Variants in DCDC1 observed in about 807,000 individuals in gnomAD.
The protein encoded by DCDC1 is doublecortin domain-containing protein 1.
In DCDC1, 200 loss-of-function variants were observed where a neutral mutation model predicts 178.3. The ratio of observed to expected loss-of-function variants is 1.12; its 90% CI spans 1.00 to 1.26. The LOEUF is 1.26. Among genes scored for constraint, DCDC1 ranks in the 50% most tolerant of loss-of-function variants. The probability of loss-of-function intolerance (pLI) is 0.00; values close to 1 mark genes in which losing one functional copy is unlikely to be tolerated. For synonymous variants in DCDC1, 690 were observed against 604.8 expected, an observed-to-expected ratio of 1.14 and a Z score of -2.07; for missense variants, 1,983 against 1,749.2, an observed-to-expected ratio of 1.13 and a Z score of -2.38.
At position 31,290,869 on chromosome 11, in the gene DCDC1, T is replaced by A. The variant is rs765841446; in HGVS notation, c.755-17A>T. On this transcript the variant is annotated splice_polypyrimidine_tract_variant and intron_variant, in intron 6 of 38. Coordinates refer to ENST00000684477, the MANE Select transcript of DCDC1 (RefSeq NM_001387274.1). ...ACAGATGGTCTAGAAGATAATTTTT[T>A]AAGTCAAGTCAATATTTGGCTTCAA... is the stretch of plus-strand genomic sequence containing the variant. 13 of 1,599,830 alleles carry A rather than the reference T, an allele frequency of 8.1e-6. No homozygotes were observed. The highest frequency in any genetic ancestry group is 1.1e-5 in the Non-Finnish European group (13 of 1,174,920).
At chr11:30,929,667 T>C (rs1007395421) in intron 22 of DCDC1, among the ~76,000 whole-genome samples, 6 of 152,064 alleles carry the variant, frequency 3.9e-5, no homozygotes, top group Non-Finnish European at 7.4e-5. Context: ...ATTGAAATCA[T>C]CTAAAATATA....
intron 20 of DCDC1, among the ~76,000 whole-genome samples, chr11:31,057,144 G>A (rs894528583): frequency 2.6e-5 from 4 of 151,840 alleles, no homozygotes; most frequent in African/African-American, 9.7e-5. Flanking sequence ...TGAGGCACAA[G>A]AATCTCTTGA....
At chr11:31,206,355 T>G (rs2774404) in intron 9 of DCDC1, among the ~76,000 whole-genome samples, 13,943 of 152,198 alleles carry the variant, frequency 0.092, 1,757 homozygotes, top group African/African-American at 0.28. Flanking sequence ...TTACCCTGAA[T>G]CTATCCAACT....
chr11:31,161,971 T>C (rs892774580), intron 9 of DCDC1, among the ~76,000 whole-genome samples: 1 of 152,232 alleles, frequency 6.6e-6, no homozygotes, highest in Non-Finnish European at 1.5e-5. Flanking sequence ...AATGTTCAAC[T>C]ATATTGGAAA....
At chr11:31,117,907 T>C (rs1320807193) in intron 11 of DCDC1, among the ~76,000 whole-genome samples, 3 of 152,144 alleles carry the variant, frequency 2.0e-5, no homozygotes, top group Non-Finnish European at 4.4e-5. Flanking sequence ...CTAAATTAAC[T>C]TAATCCCTAA....
intron 13 of DCDC1, among the ~76,000 whole-genome samples, chr11:31,104,922 T>C (rs1261849694): frequency 1.3e-5 from 2 of 152,096 alleles, no homozygotes; most frequent in East Asian, 1.9e-4. Context: ...AAATAAAAAA[T>C]TGAAGGAAAA....
intron 20 of DCDC1, among the ~76,000 whole-genome samples, chr11:31,048,194 G>A (rs1451783930): frequency 6.6e-6 from 1 of 152,114 alleles, no homozygotes; most frequent in Non-Finnish European, 1.5e-5. Flanking sequence ...AGGAAGTTAT[G>A]CCATCTCTCC....
intron 20 of DCDC1, among the ~76,000 whole-genome samples, chr11:31,045,873 C>T (rs2135381260): frequency 6.6e-6 from 1 of 152,240 alleles, no homozygotes; most frequent in East Asian, 1.9e-4. Flanking sequence ...GGCAGTTACA[C>T]AGAGCAGTCC....
chr11:31,055,519 A>G (rs1373206590), intron 20 of DCDC1, among the ~76,000 whole-genome samples: 1 of 152,234 alleles, frequency 6.6e-6, no homozygotes, highest in East Asian at 1.9e-4. Context: ...CCAGAGGAAA[A>G]GAAGTCATTA....
intron 17 of DCDC1, among the ~76,000 whole-genome samples, chr11:31,082,062 C>G (rs1957208212): frequency 1.3e-5 from 2 of 152,066 alleles, no homozygotes; most frequent in African/African-American, 4.8e-5. Flanking sequence ...CTCTCCTCTT[C>G]TTGATCAAAA....
chr11:31,329,497 A>C (rs1466686641), intron 2 of DCDC1, among the ~76,000 whole-genome samples: 6 of 152,034 alleles, frequency 3.9e-5, no homozygotes, highest in Non-Finnish European at 4.4e-5. Context: ...TGCTGTACCC[A>C]TTAACTTGTC....
intron 21 of DCDC1, among the ~76,000 whole-genome samples, chr11:30,938,651 T>A (rs1255092488): frequency 1.3e-5 from 2 of 152,164 alleles, no homozygotes; most frequent in African/African-American, 4.8e-5. Flanking sequence ...ACATAGAGAA[T>A]TAAAGCTTGG....
intron 20 of DCDC1, among the ~76,000 whole-genome samples, chr11:31,042,176 T>C (rs1954504511): frequency 1.3e-5 from 2 of 152,344 alleles, no homozygotes; most frequent in South Asian, 4.1e-4. Context: ...TGAGATTCAA[T>C]ATTAGGATTC....
At chr11:31,136,148 T>C (rs1332161745) in intron 10 of DCDC1, among the ~76,000 whole-genome samples, 2 of 152,060 alleles carry the variant, frequency 1.3e-5, no homozygotes, top group Non-Finnish European at 2.9e-5. Context: ...CCAAGATACA[T>C]GGTAGATTCA....
intron 20 of DCDC1, among the ~76,000 whole-genome samples, chr11:31,051,618 G>A (rs1003779368): frequency 6.6e-6 from 1 of 152,188 alleles, no homozygotes; most frequent in South Asian, 2.1e-4. Context: ...CAAATTAACA[G>A]GAGATTTCTC....
intron 25 of DCDC1, among the ~76,000 whole-genome samples, chr11:30,919,607 A>G (rs1162702141): frequency 6.6e-6 from 1 of 152,214 alleles, no homozygotes; most frequent in African/African-American, 2.4e-5. Flanking sequence ...GTTGAGAAAG[A>G]TGCCATCTAG....
intron 1 of DCDC1, among the ~76,000 whole-genome samples, chr11:31,358,091 A>T (rs572053634): frequency 6.6e-6 from 1 of 150,698 alleles, no homozygotes; most frequent in African/African-American, 2.4e-5. Context: ...AAACTACTTT[A>T]AAGTTCATAT....
At position 31,221,102 on chromosome 11, in the gene DCDC1, T is replaced by C. The variant is rs150454471; in HGVS notation, c.1221+20348A>G. ...AACACAAAGTCCATAATATTCCATA[T>C]GTGGAATATTAATTCATGTCCTTCT... On this transcript the variant is annotated intron_variant, in intron 9 of 38. Coordinates refer to ENST00000684477, the MANE Select transcript of DCDC1 (RefSeq NM_001387274.1). Among the ~76,000 whole-genome samples the C allele has an allele frequency of 7.2e-5, 11 of 152,308 alleles. No homozygotes were observed. In the East Asian group the frequency reaches 2.1e-3, roughly 29 times the overall value.
chr11:30,950,299 A>G (rs1042894260), intron 21 of DCDC1, among the ~76,000 whole-genome samples: 1 of 152,184 alleles, frequency 6.6e-6, no homozygotes, highest in African/African-American at 2.4e-5. Context: ...GTTCCTCCAA[A>G]AACTAAAAAT....
Sources: gnomAD v4.1 joint callset for allele counts (sites outside exome capture counted in the v4.1 genomes callset) on GRCh38, gnomAD v4.1.1 for gene constraint, MANE v1.5 for transcripts, NCBI Gene and HGNC (gene_info 2026-07-23, HGNC 2026-07-21) for gene names.